CNST: variants seen among roughly 807,000 people sequenced by gnomAD.
CNST encodes the protein consortin, connexin sorting protein, also known as consortin.
A neutral mutation model predicts 72.4 loss-of-function variants in CNST; 39 were observed. The ratio of observed to expected loss-of-function variants is 0.54; its 90% CI spans 0.42 to 0.70. The LOEUF (loss-of-function observed/expected upper bound fraction) is 0.70, where lower values mean the gene tolerates loss of function less well. Ranked by LOEUF, CNST falls within the 30% of genes least tolerant of loss-of-function variation. The pLI is 0.00. For missense variants in CNST, 871 were observed against 868.5 expected (o/e 1.00, Z -0.04); for synonymous variants, 332 against 320.1 (o/e 1.04, Z -0.40).
intron 2 of CNST, among the ~76,000 whole-genome samples, chr1:246,604,857 T>C (rs1044222564): frequency 2.6e-5 from 4 of 152,024 alleles, no homozygotes; most frequent in African/African-American, 9.7e-5. Context: ...TTAGTAGAGA[T>C]GGGGTTTTAC....
At chr1:246,635,573 C>T (rs995003136) in intron 6 of CNST, among the ~76,000 whole-genome samples, 1 of 152,222 alleles carries the variant, frequency 6.6e-6, no homozygotes, top group Non-Finnish European at 1.5e-5. Context: ...AGATGTTAAA[C>T]TTACCACAGA....
intron 10 of CNST, among the ~76,000 whole-genome samples, chr1:246,660,640 G>A (rs1330059429): frequency 6.6e-6 from 1 of 152,158 alleles, no homozygotes; most frequent in African/African-American, 2.4e-5. Flanking sequence ...CAGGAGAATC[G>A]CTTGAACCCG....
Position 246,647,813 on chromosome 1 carries a change from G to A in CNST, c.1612G>A (p.Asp538Asn), listed in dbSNP as rs759491614. ...MAPEEKGDKD[D>N]QLNKETEDYL... ...CCCAGAGGAAAAGGGAGATAAAGAC[G>A]ACCAACTCAACAAAGAAACAGAAGA... is the stretch of plus-strand genomic sequence containing the variant. The change falls in exon 9 of 11, where the codon GAC (aspartate) becomes AAC (asparagine). Residue 538 changes from aspartate (D) to asparagine (N), a missense_variant. Asp to Asn is a conservative substitution (Grantham distance 23). Transcript: ENST00000366513. The A allele has an allele frequency of 5.0e-6, 8 of 1,614,040 alleles. No individual in the cohort carries two copies. In the East Asian group the frequency reaches 6.7e-5, roughly 13 times the overall value.
In CNST at chr1:246,577,045, G is replaced by T. The variant is rs554409570; in HGVS notation, c.-52+10382G>T. Among the ~76,000 whole-genome samples, 48 of 151,992 alleles carry T rather than the reference G, an allele frequency of 3.2e-4. No individual in the cohort carries two copies. The South Asian group carries it at 9.6e-3, about 30-fold the overall frequency. ...GTTTTTATGTTTTTAGAACCATCTT[G>T]CCCTCCCTTTTCTAGCTTTTGACGG... is the stretch of plus-strand genomic sequence containing the variant. On this transcript the variant is annotated intron_variant, in intron 1 of 10. Transcript: ENST00000366513.
rs560379667 is a variant in CNST at position 246,635,150 on chromosome 1, G to T, written c.818+563G>T. Among the ~76,000 whole-genome samples the T allele has an allele frequency of 9.9e-5, 15 of 152,266 alleles. No individual in the cohort carries two copies. The South Asian group carries it at 3.1e-3, about 32-fold the overall frequency. ...TATTTGGTTATAGAAAAAGGGAAAAGGGGCAACTTTCTCCATAACTACTTC... is the reference window on the plus strand; with the variant it reads ...TATTTGGTTATAGAAAAAGGGAAAATGGGCAACTTTCTCCATAACTACTTC... On this transcript the variant is annotated intron_variant, in intron 6 of 10. Coordinates refer to ENST00000366513, the MANE Select transcript of CNST (RefSeq NM_152609.3).
At chr1:246,595,977 A>G (rs1345163736) in intron 2 of CNST, among the ~76,000 whole-genome samples, 1 of 152,058 alleles carries the variant, frequency 6.6e-6, no homozygotes, top group Non-Finnish European at 1.5e-5. Context: ...TGGAGGCAGT[A>G]TTTGTGTCAA....
intron 9 of CNST, among the ~76,000 whole-genome samples, chr1:246,648,661 G>T (rs993200417): frequency 2.6e-5 from 4 of 152,190 alleles, no homozygotes; most frequent in Non-Finnish European, 4.4e-5. Context: ...AGGCGGCCTG[G>T]TGTGGTAGAG....
At chr1:246,636,280 C>G (rs1410825961) in intron 6 of CNST, among the ~76,000 whole-genome samples, 3 of 152,080 alleles carry the variant, frequency 2.0e-5, no homozygotes, top group Non-Finnish European at 2.9e-5. Context: ...AGTCCACTTG[C>G]GGGATATGCA....
At chr1:246,586,109 A>G (rs113673532) in intron 1 of CNST, among the ~76,000 whole-genome samples, 6,394 of 121,898 alleles carry the variant, frequency 0.052, 199 homozygotes, top group Middle Eastern at 0.08. Context: ...ATATATATAT[A>G]TATGTGTGTG....
At chr1:246,617,830 C>T (rs990401322) in intron 2 of CNST, among the ~76,000 whole-genome samples, 1 of 152,102 alleles carries the variant, frequency 6.6e-6, no homozygotes, top group Non-Finnish European at 1.5e-5. Flanking sequence ...TTATATGTGC[C>T]TAAAGTAAAG....
At chr1:246,585,607 C>T (rs1661089539) in intron 1 of CNST, among the ~76,000 whole-genome samples, 1 of 145,712 alleles carries the variant, frequency 6.9e-6, no homozygotes, top group Non-Finnish European at 1.5e-5. Flanking sequence ...GATCACACCA[C>T]TGCCTTCCAG....
intron 2 of CNST, among the ~76,000 whole-genome samples, chr1:246,617,900 A>G (rs1474890947): frequency 6.6e-6 from 1 of 152,250 alleles, no homozygotes; most frequent in Non-Finnish European, 1.5e-5. Context: ...GAGCCACGAT[A>G]GAATTCTATT....
At chr1:246,634,419 TGCTCCTAAA>T in intron 5 of CNST, 45 bp from the exon 6 acceptor site, 1 of 1,056,472 alleles carries the variant, frequency 9.5e-7, no homozygotes, top group Non-Finnish European at 1.4e-6. Flanking sequence ...TTTGTTTTTT[TGCTCCTAAA>T]TATGTTTTAT....
intron 4 of CNST, 120 bp from the exon 5 acceptor site, chr1:246,633,804 T>G: frequency 1.6e-6 from 1 of 608,956 alleles, no homozygotes; most frequent in Non-Finnish European, 3.0e-6. Flanking sequence ...TAAAAATATT[T>G]AGAGTCCTCT....
intron 1 of CNST, among the ~76,000 whole-genome samples, chr1:246,576,739 C>A (rs956074959): frequency 6.6e-6 from 1 of 151,906 alleles, no homozygotes; most frequent in African/African-American, 2.4e-5. Flanking sequence ...GGTGATCCAC[C>A]CCCCTCAGCC....
At chr1:246,584,566 C>T (rs1661013231) in intron 1 of CNST, among the ~76,000 whole-genome samples, 1 of 152,028 alleles carries the variant, frequency 6.6e-6, no homozygotes, top group Non-Finnish European at 1.5e-5. Context: ...GATTAAGGTA[C>T]AGGATTCTTT....
intron 1 of CNST, among the ~76,000 whole-genome samples, chr1:246,585,386 T>A (rs1402584126): frequency 6.6e-6 from 1 of 152,016 alleles, no homozygotes; most frequent in African/African-American, 2.4e-5. Flanking sequence ...CTGGCTCACA[T>A]CTGTAATCCC....
intron 3 of CNST, among the ~76,000 whole-genome samples, chr1:246,626,158 TC>T (rs1377302672): frequency 6.6e-6 from 1 of 151,728 alleles, no homozygotes; most frequent in Non-Finnish European, 1.5e-5. Flanking sequence ...CAAGTAGTCT[TC>T]CTGCCTCAGC....
At chr1:246,659,946 G>A (rs1443741580) in intron 9 of CNST, among the ~76,000 whole-genome samples, 2 of 152,202 alleles carry the variant, frequency 1.3e-5, no homozygotes, top group East Asian at 3.9e-4. Context: ...GACTGAACAC[G>A]TCATGCTGCC....
Sources: allele counts gnomAD v4.1 joint callset (sites outside exome capture counted in the v4.1 genomes callset), GRCh38; gene constraint gnomAD v4.1.1; transcripts MANE v1.5; gene names NCBI Gene and HGNC (gene_info 2026-07-23, HGNC 2026-07-21).